The following NOTCH2 variants were observed in gnomAD, a reference collection of about 807,000 sequenced individuals.
The protein encoded by NOTCH2 is neurogenic locus notch homolog protein 2.
A neutral mutation model predicts 235.8 loss-of-function variants in NOTCH2; 29 were observed. The ratio of observed to expected loss-of-function variants is 0.12; its 90% confidence interval spans 0.09 to 0.17. NOTCH2 has a LOEUF of 0.17. Among genes scored for constraint, NOTCH2 ranks in the 10% least tolerant of loss-of-function variants. NOTCH2 has a pLI of 1.00. For missense variants in NOTCH2, 2,285 were observed against 3,150.2 expected, an observed-to-expected ratio of 0.73 and a Z score of 6.57; for synonymous variants, 1,086 against 1,141.5, an observed-to-expected ratio of 0.95 and a Z score of 0.98.
chr1:120,048,235 G>C (rs587673043), intron 1 of NOTCH2, among the ~76,000 whole-genome samples: 3 of 139,164 alleles, frequency 2.2e-5, no homozygotes, highest in African/African-American at 8.6e-5. Flanking sequence ...ACATATATAC[G>C]TGCATAGCAA....
At chr1:119,958,756 G>C (rs1234496288) in intron 12 of NOTCH2, among the ~76,000 whole-genome samples, 3 of 151,930 alleles carry the variant, frequency 2.0e-5, no homozygotes, top group Non-Finnish European at 4.4e-5. Flanking sequence ...GTGTGCGTGT[G>C]CATGTACACG....
rs1324992075 is a variant in NOTCH2, at chr1:119,999,231, A to T, written c.416-1899T>A. Among the ~76,000 whole-genome samples, 6 of 149,134 alleles carry T rather than the reference A, an allele frequency of 4.0e-5. No individual in the cohort carries two copies. In the East Asian group the frequency reaches 7.8e-4, roughly 19 times the overall value. Reference sequence around the variant, plus strand: ...GTAACGGGATGGCGAGAACTCCTTGAATTTGTTAATACTCCAGTTGATTGT... The same window carrying T: ...GTAACGGGATGGCGAGAACTCCTTGTATTTGTTAATACTCCAGTTGATTGT... On this transcript the variant is annotated intron_variant, in intron 3 of 33. Coordinates refer to ENST00000256646, the MANE Select transcript of NOTCH2 (RefSeq NM_024408.4).
At chr1:120,040,766 G>A (rs868931309) in intron 1 of NOTCH2, among the ~76,000 whole-genome samples, 9 of 150,026 alleles carry the variant, frequency 6.0e-5, no homozygotes, top group South Asian at 4.2e-4. Context: ...GGCCAGGCGC[G>A]GTGGCTCATG....
rs587724235 is a variant in NOTCH2 at position 119,947,596 on chromosome 1, G to A, written c.2752+818C>T. Among the ~76,000 whole-genome samples the A allele has an allele frequency of 1.6e-4, 24 of 152,236 alleles. No individual in the cohort carries two copies. In the South Asian group the frequency reaches 5.0e-3, roughly 32 times the overall value. On this transcript the variant is annotated intron_variant, in intron 17 of 33. Coordinates refer to ENST00000256646, the MANE Select transcript of NOTCH2 (RefSeq NM_024408.4). ...TACAACCACCTTGGAAAACATTCTG[G>A]CAATTTCTTAAAAAGTGAAACATAC...
intron 2 of NOTCH2, among the ~76,000 whole-genome samples, chr1:120,013,790 C>T: frequency 6.7e-6 from 1 of 150,278 alleles, no homozygotes; most frequent in Non-Finnish European, 1.5e-5. Context: ...CTCTGTTAGT[C>T]TTGGTGGAAA....
chr1:119,923,997 A>T lies in NOTCH2; in HGVS notation c.4512-13T>A. 5 of 1,605,468 alleles carry T rather than the reference A, an allele frequency of 3.1e-6. No homozygotes were observed. Among genetic ancestry groups the T allele is most frequent in the Non-Finnish European group, 4.3e-6 (5 of 1,172,436 alleles). On this transcript the variant is annotated splice_polypyrimidine_tract_variant and intron_variant, in intron 25 of 33. Coordinates refer to ENST00000256646, the MANE Select transcript of NOTCH2 (RefSeq NM_024408.4). ...GTATTTGTCATACCTAGGTAAGGGG[A>T]AGCAGAGAACAGGCAAAAGAGCTCA...
chr1:120,041,975 G>A (rs1286880524), intron 1 of NOTCH2, among the ~76,000 whole-genome samples: 2 of 146,826 alleles, frequency 1.4e-5, no homozygotes, highest in Non-Finnish European at 3.0e-5. Context: ...GGAAAGGAAA[G>A]GAAAGAAAAG....
Position 119,922,661 on chromosome 1 carries a change from C to A in NOTCH2, c.4977G>T (p.Leu1659=). ...LLASHAIQGT[L]SYPLVSVVSE... ...TGACGACAGACACAAGAGGGTATGACAGGGTCCCCTGTATGGCGTGAGAGG... is the reference window on the plus strand; with the variant it reads ...TGACGACAGACACAAGAGGGTATGAAAGGGTCCCCTGTATGGCGTGAGAGG... Residue 1659 remains leucine, a synonymous_variant, in exon 27 of 34, where the codon CTG becomes CTT. Transcript: ENST00000256646. 3 of 1,614,178 alleles carry A rather than the reference C, an allele frequency of 1.9e-6. No homozygotes were observed. In the South Asian group the frequency reaches 3.3e-5, roughly 18 times the overall value.
intron 3 of NOTCH2, among the ~76,000 whole-genome samples, chr1:120,000,854 T>A (rs1322342028): frequency 1.3e-5 from 2 of 152,148 alleles, no homozygotes; most frequent in African/African-American, 4.8e-5. Flanking sequence ...TCATCCTAAC[T>A]ACCCTCTACC....
chr1:119,921,305 T>C (rs916622813), intron 29 of NOTCH2, among the ~76,000 whole-genome samples: 2 of 152,206 alleles, frequency 1.3e-5, no homozygotes, highest in African/African-American at 4.8e-5. Flanking sequence ...GATCACTGGC[T>C]TTCATTTTGC....
At chr1:120,038,301 C>T (rs2101357216) in intron 1 of NOTCH2, among the ~76,000 whole-genome samples, 1 of 150,082 alleles carries the variant, frequency 6.7e-6, no homozygotes, top group Admixed American at 6.6e-5. Flanking sequence ...ACCTCTATAC[C>T]CATGTACATT....
chr1:120,047,014 CA>C (rs1339126562), intron 1 of NOTCH2, among the ~76,000 whole-genome samples: 165 of 89,426 alleles, frequency 1.8e-3, no homozygotes, highest in African/African-American at 7.9e-3. Flanking sequence ...CCTTCTCACT[CA>C]AAACAGCTGA....
intron 5 of NOTCH2, among the ~76,000 whole-genome samples, chr1:119,976,524 C>T (rs1553200971): frequency 2.6e-5 from 4 of 151,844 alleles, no homozygotes; most frequent in Non-Finnish European, 5.9e-5. Flanking sequence ...CAAGAAATTC[C>T]TCCACTAATT....
Position 119,984,753 on chromosome 1 carries a change from C to T in NOTCH2, c.874+2207G>A, listed in dbSNP as rs587691116. 3.3e-5 allele frequency among the ~76,000 whole-genome samples: 5 copies of T among 152,268 alleles called. No individual in the cohort carries two copies. The South Asian group carries it at 1.0e-3, about 32-fold the overall frequency. ...CTGTCATCAATAGTCCAACCGCCCCCATAACTCGGTACATCCCTCACATCA... is the reference window on the plus strand; with the variant it reads ...CTGTCATCAATAGTCCAACCGCCCCTATAACTCGGTACATCCCTCACATCA... On this transcript the variant is annotated intron_variant, in intron 5 of 33. Coordinates refer to ENST00000256646, the MANE Select transcript of NOTCH2 (RefSeq NM_024408.4).
chr1:119,943,201 A>G (rs1650127488), intron 17 of NOTCH2, among the ~76,000 whole-genome samples: 1 of 152,316 alleles, frequency 6.6e-6, no homozygotes, highest in East Asian at 1.9e-4. Flanking sequence ...TGGCCTCTAT[A>G]TGATAATCTG....
At chr1:120,007,104 C>T (rs6662643) in intron 2 of NOTCH2, among the ~76,000 whole-genome samples, 7,293 of 151,928 alleles carry the variant, frequency 0.048, 202 homozygotes, top group South Asian at 0.11. Flanking sequence ...CAAGGAGCGG[C>T]TAAGGCTCTG....
At chr1:120,037,533 T>A (rs1171389445) in intron 1 of NOTCH2, among the ~76,000 whole-genome samples, 5 of 148,694 alleles carry the variant, frequency 3.4e-5, no homozygotes, top group Non-Finnish European at 7.4e-5. Context: ...TTGTATTCCA[T>A]TTTTTGGGAT....
chr1:120,055,763 A>G lies in NOTCH2; in HGVS notation c.73+13571T>C, dbSNP rs1655116065. ...TCAAGGCTGCCAAAACTTGAGAAGA[A>G]GCAAACTGTCAAGGGAAACAAATGT... On this transcript the variant is annotated intron_variant, in intron 1 of 33. Coordinates refer to ENST00000256646, the MANE Select transcript of NOTCH2 (RefSeq NM_024408.4). 2.6e-5 allele frequency among the ~76,000 whole-genome samples: 4 copies of G among 152,126 alleles called. No individual in the cohort carries two copies. In the South Asian group the frequency reaches 8.3e-4, roughly 32 times the overall value.
At chr1:119,978,442 T>G (rs116746393) in intron 5 of NOTCH2, among the ~76,000 whole-genome samples, 2,402 of 152,242 alleles carry the variant, frequency 0.016, 33 homozygotes, top group Non-Finnish European at 0.021. Context: ...GTGAGGAGAA[T>G]GGACTGAACT....
Sources: gnomAD v4.1 joint callset for allele counts (sites outside exome capture counted in the v4.1 genomes callset) on GRCh38, gnomAD v4.1.1 for gene constraint, MANE v1.5 for transcripts, NCBI Gene and HGNC (gene_info 2026-07-23, HGNC 2026-07-21) for gene names.